ZNF469: variants seen among roughly 807,000 people sequenced by gnomAD.
The protein encoded by ZNF469 is zinc finger protein 469.
Under a neutral mutation model 1.0 loss-of-function variants are expected in ZNF469, and 1 was observed. The observed-to-expected ratio is 1.00, with a 90% CI of 0.35 to 4.73. ZNF469 has a LOEUF of 4.73. ZNF469 is among the 30% of genes most tolerant of loss of function. The probability of loss-of-function intolerance (pLI) is 0.16; values close to 1 mark genes in which losing one functional copy is unlikely to be tolerated. For missense variants in ZNF469, 6,100 were observed against 5,356.3 expected (o/e 1.14, Z -4.33); for synonymous variants, 2,703 against 2,363.4 (o/e 1.14, Z -4.17).
chr16:88,430,074 C>T lies in ZNF469; in HGVS notation c.2604C>T (p.Phe868=), dbSNP rs1352497178. The T allele has an allele frequency of 8.4e-6, 13 of 1,550,244 alleles. No homozygotes were observed. The Admixed American group carries it at 1.6e-4, about 19-fold the overall frequency. Residue 868 remains phenylalanine (F), a synonymous_variant, in exon 3 of 3, where the codon TTC becomes TTT. Coordinates refer to ENST00000565624, the MANE Select transcript of ZNF469 (RefSeq NM_001367624.2). ...PEIDSSFIDV[F]ADEEPSGPRG... is the part of the protein sequence containing the mutation. ...TCGACAGCAGCTTCATCGACGTCTT[C>T]GCGGACGAGGAGCCTTCCGGCCCCA...
the ZNF469 span, among the ~76,000 whole-genome samples, chr16:88,242,872 C>A: frequency 7.2e-5 from 11 of 152,230 alleles, no homozygotes; most frequent in Non-Finnish European, 1.5e-4. Flanking sequence ...TCACCCCTGC[C>A]TGCCAGGGCT....
the ZNF469 span, among the ~76,000 whole-genome samples, chr16:88,111,781 T>C: frequency 1 from 151,765 of 152,208 alleles, 75,664 homozygotes; most frequent in Middle Eastern, 1. Flanking sequence ...AGACTACAGG[T>C]GCCCACCATC....
chr16:88,137,719 G>A, the ZNF469 span, among the ~76,000 whole-genome samples: 1 of 152,216 alleles, frequency 6.6e-6, no homozygotes, highest in Non-Finnish European at 1.5e-5. Flanking sequence ...ATTGCAAGAG[G>A]GAAGGGAAAG....
chr16:88,428,851 A>T lies in ZNF469; in HGVS notation c.1381A>T (p.Ser461Cys). Residue 461 changes from serine to cysteine, a missense_variant, in exon 3 of 3, where the codon AGT (serine) becomes TGT (cysteine). By Grantham distance (112) the Ser-to-Cys change is moderately radical. Coordinates refer to ENST00000565624, the MANE Select transcript of ZNF469 (RefSeq NM_001367624.2). Reference sequence around the variant, plus strand: ...TGGGGGCCCCCTGGCTGCCACCAGGAGTATGTTCTTTAACGGCCAGCCCAG... The same window carrying T: ...TGGGGGCCCCCTGGCTGCCACCAGGTGTATGTTCTTTAACGGCCAGCCCAG... ...PPGGPLAATR[S>C]MFFNGQPSPG... 1 of 1,548,336 alleles carries T rather than the reference A, an allele frequency of 6.5e-7. No homozygotes were observed. Among genetic ancestry groups the T allele is most frequent in the Non-Finnish European group, 8.7e-7 (1 of 1,146,358 alleles).
the ZNF469 span, among the ~76,000 whole-genome samples, chr16:88,209,758 C>T: frequency 1.3e-5 from 2 of 152,184 alleles, no homozygotes; most frequent in African/African-American, 4.8e-5. Flanking sequence ...TTTACAGCTG[C>T]ATAGTACTCC....
chr16:88,370,983 T>C, the ZNF469 span, among the ~76,000 whole-genome samples: 1 of 152,248 alleles, frequency 6.6e-6, no homozygotes, highest in African/African-American at 2.4e-5. Flanking sequence ...CAGTCATTCC[T>C]GTCGTCCAGC....
At position 88,438,515 on chromosome 16, in the gene ZNF469, A is replaced by G; in HGVS notation, c.11045A>G (p.Asp3682Gly). 6.5e-7 allele frequency: 1 copy of G among 1,550,050 alleles called. No homozygotes were observed. Among genetic ancestry groups the G allele is most frequent in the Non-Finnish European group, 8.7e-7 (1 of 1,146,918 alleles). The change falls in exon 3 of 3, where the codon GAC (aspartate) becomes GGC (glycine). Residue 3682 changes from aspartate (D) to glycine (G), a missense_variant. Coordinates refer to ENST00000565624, the MANE Select transcript of ZNF469 (RefSeq NM_001367624.2). ...KPAGCQSSSK[D>G]RSAASTPSKA... ...GCGGGCTGCCAGAGCTCATCAAAGG[A>G]CAGGTCGGCAGCATCCACCCCCAGC... is the stretch of plus-strand genomic sequence containing the variant.
chr16:88,204,282 G>A, the ZNF469 span, among the ~76,000 whole-genome samples: 1 of 152,062 alleles, frequency 6.6e-6, no homozygotes. Flanking sequence ...AGCCGGAGGT[G>A]CCCCGTAACC....
At position 88,437,770 on chromosome 16, in the gene ZNF469, G is replaced by C. The variant is rs1331820240; in HGVS notation, c.10300G>C (p.Asp3434His). The change falls in exon 3 of 3, where the codon GAC (aspartate) becomes CAC (histidine). Residue 3434 changes from aspartate to histidine, a missense_variant. Transcript: ENST00000565624. ...CACCTTCGCCAAGAAGGAGCAGTTC[G>C]ACCGCCACATGAACAAGCACCTCAG... ...NYTFAKKEQF[D>H]RHMNKHLRGG... 3 of 1,549,424 alleles carry C rather than the reference G, an allele frequency of 1.9e-6. No homozygotes were observed. The highest frequency in any genetic ancestry group is 2.4e-5 in the East Asian group (1 of 40,878).
At chr16:88,303,954 G>T in the ZNF469 span, among the ~76,000 whole-genome samples, 1 of 152,212 alleles carries the variant, frequency 6.6e-6, no homozygotes, top group South Asian at 2.1e-4. Flanking sequence ...AGGTCTGGGG[G>T]CTGCTCCTGC....
chr16:88,335,238 G>C, the ZNF469 span, among the ~76,000 whole-genome samples: 2 of 152,120 alleles, frequency 1.3e-5, no homozygotes, highest in Non-Finnish European at 2.9e-5. Context: ...TTAACTGTAG[G>C]GTCAGATGCA....
the ZNF469 span, among the ~76,000 whole-genome samples, chr16:88,344,975 T>G: frequency 6.6e-6 from 1 of 152,186 alleles, no homozygotes; most frequent in Non-Finnish European, 1.5e-5. Context: ...TGTATATCCA[T>G]CACAGAAGTC....
the ZNF469 span, among the ~76,000 whole-genome samples, chr16:88,103,675 G>T: frequency 1.9e-4 from 29 of 152,156 alleles, no homozygotes; most frequent in Non-Finnish European, 3.4e-4. Context: ...GGTGGGGGCG[G>T]TAGAATAATC....
At chr16:88,420,190 G>A (rs556803182) in intron 1 of ZNF469, among the ~76,000 whole-genome samples, 2 of 152,220 alleles carry the variant, frequency 1.3e-5, no homozygotes, top group Non-Finnish European at 1.5e-5. Context: ...CACGCTTTCC[G>A]CTCTCCCCAC....
intron 1 of ZNF469, among the ~76,000 whole-genome samples, chr16:88,392,230 C>T (rs917291484): frequency 1.3e-5 from 2 of 152,262 alleles, no homozygotes; most frequent in Non-Finnish European, 2.9e-5. Context: ...GCGCTTGTAC[C>T]GTGTCTTGAT....
the ZNF469 span, among the ~76,000 whole-genome samples, chr16:88,227,737 G>A: frequency 8.5e-5 from 13 of 152,150 alleles, no homozygotes; most frequent in South Asian, 2.1e-4. Context: ...TCCCGTCACC[G>A]CTGTAACAAA....
the ZNF469 span, among the ~76,000 whole-genome samples, chr16:88,214,121 T>C: frequency 3.1e-4 from 47 of 152,314 alleles, no homozygotes; most frequent in African/African-American, 9.6e-4. Flanking sequence ...GTGTGTGTCT[T>C]GACCTGAGTG....
chr16:88,247,907 C>G, the ZNF469 span, among the ~76,000 whole-genome samples: 1 of 152,274 alleles, frequency 6.6e-6, no homozygotes, highest in African/African-American at 2.4e-5. Context: ...GTCTTCTCAG[C>G]TGAGCTGCCA....
In ZNF469 at chr16:88,431,248, C is replaced by A. The variant is rs965222742; in HGVS notation, c.3778C>A (p.Pro1260Thr). The A allele has an allele frequency of 6.4e-7, 1 of 1,550,392 alleles. No individual in the cohort carries two copies. The change falls in exon 3 of 3, where the codon CCC becomes ACC. Residue 1260 changes from proline (P) to threonine (T), a missense_variant. Pro to Thr is a conservative substitution (Grantham distance 38, BLOSUM62 -1). Transcript: ENST00000565624. ...AACAGEMGAS[P>T]GLLIPEQPPP... ...CTGTGCGGGAGAAATGGGAGCAAGC[C>A]CCGGTCTCCTGATACCAGAGCAGCC...
Sources: gnomAD v4.1 joint callset for allele counts (sites outside exome capture counted in the v4.1 genomes callset) on GRCh38, gnomAD v4.1.1 for gene constraint, MANE v1.5 for transcripts, NCBI Gene and HGNC (gene_info 2026-07-23, HGNC 2026-07-21) for gene names.